ADAMTSL1: variants seen among roughly 807,000 people sequenced by gnomAD.
ADAMTSL1 encodes the protein ADAMTS-like protein 1.
A neutral mutation model predicts 201.8 loss-of-function variants in ADAMTSL1; 126 were observed. That is an observed-to-expected ratio of 0.62 (90% CI 0.54 to 0.72). ADAMTSL1 has a LOEUF of 0.72. Among genes scored for constraint, ADAMTSL1 ranks in the 30% least tolerant of loss-of-function variants. The probability of loss-of-function intolerance (pLI) is 0.00; values close to 1 mark genes in which losing one functional copy is unlikely to be tolerated. For synonymous variants in ADAMTSL1, 1,121 were observed against 903.4 expected (o/e 1.24, Z -4.32); for missense variants, 2,679 against 2,277.8 (o/e 1.18, Z -3.59).
In ADAMTSL1 at chr9:18,824,180, ATT is replaced by A. The variant is rs5896809; in HGVS notation, c.3935-2094_3935-2093del. 2.0e-4 allele frequency among the ~76,000 whole-genome samples: 30 copies of A among 149,718 alleles called. 1 individual carries two copies. Among genetic ancestry groups the A allele is most frequent in the Admixed American group, 2.0e-3 (30 of 15,064 alleles). ...TGAGGCTGTCTCCTAAATGCCGTGGATTTTTTTTTTTAAATGGGAAAAAAACT... is the reference window on the plus strand; with the variant it reads ...TGAGGCTGTCTCCTAAATGCCGTGGATTTTTTTTTAAATGGGAAAAAAACT... On this transcript the variant is annotated intron_variant, in intron 21 of 28. Transcript: ENST00000380548.
In ADAMTSL1 at chr9:18,622,260, C is replaced by T. The variant is rs1432875836; in HGVS notation, c.492C>T (p.His164=). 6.2e-7 allele frequency: 1 copy of T among 1,613,862 alleles called. No individual in the cohort carries two copies. Among genetic ancestry groups the T allele is most frequent in the South Asian group, 1.1e-5 (1 of 91,062 alleles). Residue 164 remains histidine, a synonymous_variant, in exon 5 of 29, where the codon CAC becomes CAT. Transcript: ENST00000380548. ...CTTGTTAGATTGTTGGCTGCGATCA[C>T]CAGCTGGGAAGCACCGTCAAGGAAG... ...SGLCQIVGCD[H]QLGSTVKEDN... is the part of the protein sequence containing the mutation.
chr9:18,380,836 C>T (rs1206193243), intron 2 of ADAMTSL1, among the ~76,000 whole-genome samples: 2 of 152,316 alleles, frequency 1.3e-5, no homozygotes, highest in Admixed American at 6.5e-5. Context: ...ATCAGGTGAA[C>T]GCATGCCCCA....
intron 2 of ADAMTSL1, among the ~76,000 whole-genome samples, chr9:18,358,505 C>T (rs889668140): frequency 1.3e-5 from 2 of 152,114 alleles, no homozygotes; most frequent in South Asian, 4.1e-4. Context: ...AATCTCATAC[C>T]CATTAAGCAG....
At chr9:18,544,270 G>A (rs1282919222) in intron 3 of ADAMTSL1, among the ~76,000 whole-genome samples, 2 of 152,146 alleles carry the variant, frequency 1.3e-5, no homozygotes, top group African/African-American at 2.4e-5. Flanking sequence ...CAAGAAACAG[G>A]GCCCAGTGAA....
intron 7 of ADAMTSL1, among the ~76,000 whole-genome samples, chr9:18,639,669 T>C (rs1827325801): frequency 6.6e-6 from 1 of 152,094 alleles, no homozygotes; most frequent in African/African-American, 2.4e-5. Context: ...TAACCCCACC[T>C]AAGAGGCCAA....
At chr9:18,002,963 C>T (rs1037995176) in intron 1 of ADAMTSL1, among the ~76,000 whole-genome samples, 12 of 152,022 alleles carry the variant, frequency 7.9e-5, no homozygotes, top group African/African-American at 2.7e-4. Flanking sequence ...TGACCTTTAG[C>T]ATCTGTTTAC....
chr9:18,192,794 A>G (rs1268195177), intron 2 of ADAMTSL1, among the ~76,000 whole-genome samples: 1 of 152,156 alleles, frequency 6.6e-6, no homozygotes, highest in Non-Finnish European at 1.5e-5. Flanking sequence ...ATGAAAGAAA[A>G]GACTGGCCAA....
chr9:18,835,537 G>A (rs567255284), intron 23 of ADAMTSL1, among the ~76,000 whole-genome samples: 1 of 151,984 alleles, frequency 6.6e-6, no homozygotes, highest in Non-Finnish European at 1.5e-5. Context: ...GATTCAGGAG[G>A]TACACGTGCA....
In ADAMTSL1 at chr9:18,819,624, G is replaced by C. The variant is rs533410830; in HGVS notation, c.3934+2387G>C. Among the ~76,000 whole-genome samples, 31 of 152,176 alleles carry C rather than the reference G, an allele frequency of 2.0e-4. No individual in the cohort carries two copies. In the South Asian group the frequency reaches 4.2e-3, roughly 20 times the overall value. ...TGTGCCGCCTAGGGCCCTCTCTCTG[G>C]GACTTCATCCAGAGGCTCACTTGAT... is the stretch of plus-strand genomic sequence containing the variant. On this transcript the variant is annotated intron_variant, in intron 21 of 28. Transcript: ENST00000380548.
At chr9:18,362,153 T>C (rs972698032) in intron 2 of ADAMTSL1, 1 of 152,188 alleles carries the variant, frequency 6.6e-6, no homozygotes, top group Non-Finnish European at 1.5e-5. Context: ...AGTGGGCACA[T>C]AGATTCTCTC....
intron 2 of ADAMTSL1, among the ~76,000 whole-genome samples, chr9:18,336,377 T>G (rs1835242460): frequency 6.6e-6 from 1 of 151,800 alleles, no homozygotes; most frequent in Non-Finnish European, 1.5e-5. Context: ...CATGAATAGA[T>G]CTAAGCTGAA....
At chr9:18,624,000 G>C (rs1826199309) in intron 5 of ADAMTSL1, among the ~76,000 whole-genome samples, 3 of 152,178 alleles carry the variant, frequency 2.0e-5, no homozygotes, top group African/African-American at 7.2e-5. Flanking sequence ...CTGGTATGCA[G>C]TGGAGGAATA....
At chr9:18,779,830 G>A (rs1821281443) in intron 19 of ADAMTSL1, among the ~76,000 whole-genome samples, 1 of 152,154 alleles carries the variant, frequency 6.6e-6, no homozygotes, top group South Asian at 2.1e-4. Context: ...CCACTATGAT[G>A]CCCTCTCCTC....
chr9:18,550,625 C>A (rs1437325941), intron 3 of ADAMTSL1, among the ~76,000 whole-genome samples: 1 of 151,894 alleles, frequency 6.6e-6, no homozygotes, highest in African/African-American at 2.4e-5. Context: ...AAAGTAAGCC[C>A]TTCCAATGCC....
At chr9:18,693,008 T>G (rs1831326836) in intron 13 of ADAMTSL1, among the ~76,000 whole-genome samples, 3 of 152,254 alleles carry the variant, frequency 2.0e-5, no homozygotes. Flanking sequence ...TTTATTTGTA[T>G]CTGCTACGTG....
chr9:18,296,940 G>GT (rs1394623087), intron 2 of ADAMTSL1, among the ~76,000 whole-genome samples: 2 of 152,216 alleles, frequency 1.3e-5, no homozygotes, highest in African/African-American at 4.8e-5. Context: ...AAATGCTGAA[G>GT]TTGAGTACTT....
At chr9:18,312,636 T>C (rs1834200283) in intron 2 of ADAMTSL1, among the ~76,000 whole-genome samples, 1 of 152,168 alleles carries the variant, frequency 6.6e-6, no homozygotes, top group East Asian at 1.9e-4. Context: ...AAAACTTCTG[T>C]ACAAAGCCTA....
chr9:18,692,090 A>C (rs1300419245), intron 13 of ADAMTSL1, among the ~76,000 whole-genome samples: 2 of 152,110 alleles, frequency 1.3e-5, no homozygotes, highest in Non-Finnish European at 2.9e-5. Flanking sequence ...ACACCACCTT[A>C]CTTCCTTTCT....
intron 2 of ADAMTSL1, among the ~76,000 whole-genome samples, chr9:18,280,864 T>C (rs1332132587): frequency 2.1e-5 from 3 of 143,556 alleles, no homozygotes; most frequent in African/African-American, 7.7e-5. Flanking sequence ...CTGCTTTAGC[T>C]GCATTCCGCT....
Sources: allele counts gnomAD v4.1 joint callset (sites outside exome capture counted in the v4.1 genomes callset), GRCh38; gene constraint gnomAD v4.1.1; transcripts MANE v1.5; gene names NCBI Gene and HGNC (gene_info 2026-07-23, HGNC 2026-07-21).